RPH3AL: variants seen among roughly 807,000 people sequenced by gnomAD.
The protein encoded by RPH3AL is rabphilin 3A like (without C2 domains), also known as rab effector Noc2.
Under a neutral mutation model 43.1 loss-of-function variants are expected in RPH3AL, and 38 were observed. The observed-to-expected ratio is 0.88, with a 90% CI of 0.68 to 1.15. RPH3AL has a LOEUF of 1.15. RPH3AL is among the 50% of genes most tolerant of loss of function. The pLI, the probability that RPH3AL is intolerant of heterozygous loss-of-function variation, is 0.00. For synonymous variants in RPH3AL, 189 were observed against 176.3 expected (o/e 1.07, Z -0.57); for missense variants, 462 against 423.2 (o/e 1.09, Z -0.81).
chr17:291,253 C>G (rs2043042302), intron 5 of RPH3AL, among the ~76,000 whole-genome samples: 1 of 152,100 alleles, frequency 6.6e-6, no homozygotes, highest in Non-Finnish European at 1.5e-5. Context: ...ATTAGCAAAA[C>G]TCAGGGCCAG....
At chr17:317,440 G>T (rs116584068) in intron 5 of RPH3AL, among the ~76,000 whole-genome samples, 9,675 of 143,042 alleles carry the variant, frequency 0.068, 738 homozygotes, top group African/African-American at 0.18. Flanking sequence ...TTGACCTGTA[G>T]TCCATGTGCC....
rs1057072514 is a variant in RPH3AL at position 289,230 on chromosome 17, C to T, written c.352-7376G>A. ...CAAGGGAGACGGTCATGAAAGTGCT[C>T]AGCACCATAAAAGGTTAGGTAGGCG... On this transcript the variant is annotated intron_variant, in intron 5 of 9. Transcript: ENST00000331302. The surrounding 1 kb of genome is among the most constrained non-coding windows in gnomAD (Gnocchi z 5.2). Among the ~76,000 whole-genome samples the T allele has an allele frequency of 6.6e-6, 1 of 152,130 alleles. No individual in the cohort carries two copies. The highest frequency in any genetic ancestry group is 2.4e-5 in the African/African-American group (1 of 41,422).
intron 7 of RPH3AL, chr17:234,608 A>T: frequency 6.5e-6 from 1 of 154,996 alleles, no homozygotes; most frequent in Non-Finnish European, 1.4e-5. Context: ...GACAGACGGC[A>T]CCCACCTCCT....
chr17:245,935 C>T lies in RPH3AL; in HGVS notation c.613+1176G>A, dbSNP rs1037220092. Among the ~76,000 whole-genome samples, 1 of 152,180 alleles carries T rather than the reference C, an allele frequency of 6.6e-6. No homozygotes were observed. Among genetic ancestry groups the T allele is most frequent in the Non-Finnish European group, 1.5e-5 (1 of 68,022 alleles). On this transcript the variant is annotated intron_variant, in intron 7 of 9. Coordinates refer to ENST00000331302, the MANE Select transcript of RPH3AL (RefSeq NM_006987.4). The surrounding 1 kb of genome is among the most constrained non-coding windows in gnomAD (Gnocchi z 5.9). ...TCATAGGCAGCAGAGGTGTACGCAGCATCCGGTAGGACCAGCGAGGAGAGG... is the reference window on the plus strand; with the variant it reads ...TCATAGGCAGCAGAGGTGTACGCAGTATCCGGTAGGACCAGCGAGGAGAGG...
chr17:260,034 A>C (rs1219124112), intron 6 of RPH3AL, among the ~76,000 whole-genome samples: 4 of 151,876 alleles, frequency 2.6e-5, no homozygotes, highest in African/African-American at 9.7e-5. Flanking sequence ...TCCATTGTCC[A>C]CCCCTTCCAT....
intron 5 of RPH3AL, among the ~76,000 whole-genome samples, chr17:317,711 T>G (rs1244977534): frequency 6.6e-6 from 1 of 152,222 alleles, no homozygotes; most frequent in African/African-American, 2.4e-5. Context: ...GGAAAAGAAA[T>G]GAGGTAGCTG....
chr17:220,085 T>A (rs1406966711), intron 7 of RPH3AL, among the ~76,000 whole-genome samples: 1 of 147,316 alleles, frequency 6.8e-6, no homozygotes, highest in Non-Finnish European at 1.5e-5. Flanking sequence ...ATCACCGTGA[T>A]GCAGGCACAA....
chr17:323,630 T>C lies in RPH3AL; in HGVS notation c.78-2215A>G, dbSNP rs2044539659. Among the ~76,000 whole-genome samples the C allele has an allele frequency of 6.6e-6, 1 of 151,986 alleles. No individual in the cohort carries two copies. Among genetic ancestry groups the C allele is most frequent in the African/African-American group, 2.4e-5 (1 of 41,380 alleles). The stretch of plus-strand genomic sequence containing the variant: ...ACCACTCCCTCCACCCTCCAGCTAA[T>C]GTAGAGAAAGGAAGGGTCCCAGGAA... On this transcript the variant is annotated intron_variant, in intron 3 of 9. Transcript: ENST00000331302. This position sits in a 1 kb window ranked among gnomAD's most constrained non-coding sequence, Gnocchi z 4.4.
chr17:241,711 C>CTTTTTTTTTTTTTTTTTTTTTTTT (rs1001979455), intron 7 of RPH3AL, among the ~76,000 whole-genome samples: 6 of 92,762 alleles, frequency 6.5e-5, no homozygotes, highest in Admixed American at 1.1e-4. Flanking sequence ...GTTTCTTTTT[C>CTTTTTTTTTTTTTTTTTTTTTTTT]TTTTTTTTTC....
chr17:298,235 A>T (rs1444954844), intron 5 of RPH3AL, among the ~76,000 whole-genome samples: 1 of 152,158 alleles, frequency 6.6e-6, no homozygotes, highest in Non-Finnish European at 1.5e-5. Flanking sequence ...CCACCAGCTC[A>T]GTGTGGGGTG....
chr17:310,832 A>AG (rs2043626992), intron 5 of RPH3AL, among the ~76,000 whole-genome samples: 1 of 152,160 alleles, frequency 6.6e-6, no homozygotes, highest in Non-Finnish European at 1.5e-5. Flanking sequence ...AGAGCCCTGC[A>AG]GGGGCAAGGG....
chr17:336,257 G>A (rs889046666), intron 1 of RPH3AL, among the ~76,000 whole-genome samples: 5 of 152,160 alleles, frequency 3.3e-5, no homozygotes, highest in Middle Eastern at 3.2e-3. Context: ...GAGCCCAGAC[G>A]TCAACATTTC....
At chr17:327,407 C>T in intron 3 of RPH3AL, 60 bp downstream of exon 3, 1 of 1,437,058 alleles carries the variant, frequency 7.0e-7, no homozygotes, top group Admixed American at 1.7e-5. Context: ...TTGCTGAAGA[C>T]AGGAGAGGAG....
intron 5 of RPH3AL, among the ~76,000 whole-genome samples, chr17:286,647 GC>G (rs1450777928): frequency 1.3e-5 from 2 of 152,184 alleles, no homozygotes; most frequent in African/African-American, 4.8e-5. Context: ...GAGCAAGCCA[GC>G]CTCTACATCA....
rs1295714238 is a variant in RPH3AL, at chr17:212,809, T to A, written c.*1043A>T. The A allele has an allele frequency of 6.6e-6, 1 of 152,042 alleles. No individual in the cohort carries two copies. Among genetic ancestry groups the A allele is most frequent in the Non-Finnish European group, 1.5e-5 (1 of 68,008 alleles). 9.4% of individuals were successfully genotyped at this position (152,042 alleles called of 1,614,324 possible). On this transcript the variant is annotated 3_prime_UTR_variant, in exon 10 of 10. Coordinates refer to ENST00000331302, the MANE Select transcript of RPH3AL (RefSeq NM_006987.4). Reference sequence around the variant, plus strand: ...GCCAAACCTCCTGAAGAGAAGTGAATTCATGGCTGAGGGAGCCACGTGCCC... The same window carrying A: ...GCCAAACCTCCTGAAGAGAAGTGAAATCATGGCTGAGGGAGCCACGTGCCC...
chr17:294,067 A>G (rs2043111424), intron 5 of RPH3AL, among the ~76,000 whole-genome samples: 1 of 151,944 alleles, frequency 6.6e-6, no homozygotes, highest in East Asian at 1.9e-4. Flanking sequence ...AAATCTAATA[A>G]TGTTCAATCA....
chr17:314,243 C>T (rs1224751706), intron 5 of RPH3AL, among the ~76,000 whole-genome samples: 3 of 152,298 alleles, frequency 2.0e-5, no homozygotes, highest in Non-Finnish European at 4.4e-5. Context: ...GGAATATTTA[C>T]CACAGGCCAG....
chr17:351,659 C>T (rs931509773), intron 1 of RPH3AL, among the ~76,000 whole-genome samples: 3 of 152,160 alleles, frequency 2.0e-5, no homozygotes, highest in Non-Finnish European at 4.4e-5. Flanking sequence ...GCCATCCCCA[C>T]GTGGCTCCCG....
At chr17:306,137 A>G (rs1437465300) in intron 5 of RPH3AL, among the ~76,000 whole-genome samples, 2 of 150,790 alleles carry the variant, frequency 1.3e-5, no homozygotes, top group Non-Finnish European at 3.0e-5. Context: ...CTAGGATTAC[A>G]GGTGTGAGCC....
Sources: allele counts gnomAD v4.1 joint callset (sites outside exome capture counted in the v4.1 genomes callset), GRCh38; gene constraint gnomAD v4.1.1; non-coding constraint Gnocchi (gnomAD v3.1); transcripts MANE v1.5; gene names NCBI Gene and HGNC (gene_info 2026-07-23, HGNC 2026-07-21).